The following ZDHHC14 variants were observed in gnomAD, a reference collection of about 807,000 sequenced individuals.
The protein encoded by ZDHHC14 is zDHHC palmitoyltransferase 14.
In ZDHHC14, 16 loss-of-function variants were observed where a neutral mutation model predicts 47.7. That is an observed-to-expected ratio of 0.34 (90% CI 0.23 to 0.51). The LOEUF is 0.51. Ranked by LOEUF, ZDHHC14 falls within the 20% of genes least tolerant of loss-of-function variation. The pLI, the probability that ZDHHC14 is intolerant of heterozygous loss-of-function variation, is 0.97. For synonymous variants in ZDHHC14, 293 were observed against 278.9 expected (o/e 1.05, Z -0.50); for missense variants, 515 against 662.5 (o/e 0.78, Z 2.44).
intron 5 of ZDHHC14, among the ~76,000 whole-genome samples, chr6:157,636,065 C>T (rs969831251): frequency 6.6e-6 from 1 of 152,118 alleles, no homozygotes; most frequent in African/African-American, 2.4e-5. Flanking sequence ...AGCCTGCTGA[C>T]CGCATGCAGG....
At chr6:157,589,628 T>C (rs1032583737) in intron 2 of ZDHHC14, among the ~76,000 whole-genome samples, 1 of 152,174 alleles carries the variant, frequency 6.6e-6, no homozygotes, top group Non-Finnish European at 1.5e-5. Context: ...TCTGCCATGA[T>C]TGTGAGTTTC....
chr6:157,511,547 C>CTTTTTTATTTTTTTTTTTTTTTTT (rs1780486817), intron 1 of ZDHHC14, among the ~76,000 whole-genome samples: 1 of 114,924 alleles, frequency 8.7e-6, no homozygotes, highest in Non-Finnish European at 1.7e-5. Context: ...AGCCCGGGTA[C>CTTTTTTATTTTTTTTTTTTTTTTT]TTTTTTTTTT....
chr6:157,583,910 T>C (rs1380585740), intron 2 of ZDHHC14, among the ~76,000 whole-genome samples: 6 of 134,966 alleles, frequency 4.4e-5, no homozygotes, highest in African/African-American at 1.7e-4. Context: ...ATCATTGCGA[T>C]TGGCCTGGGA....
At chr6:157,530,324 G>A (rs1301470303) in intron 1 of ZDHHC14, among the ~76,000 whole-genome samples, 9 of 152,186 alleles carry the variant, frequency 5.9e-5, no homozygotes, top group Non-Finnish European at 1.0e-4. Flanking sequence ...GCCGAGAAAT[G>A]CTGTCACCAT....
intron 1 of ZDHHC14, among the ~76,000 whole-genome samples, chr6:157,416,334 C>T (rs1269061040): frequency 1.3e-5 from 2 of 151,902 alleles, no homozygotes; most frequent in African/African-American, 4.8e-5. Flanking sequence ...TAATTGAATC[C>T]TTTGAACATT....
chr6:157,579,517 A>G lies in ZDHHC14; in HGVS notation c.407-13471A>G, dbSNP rs546493503. Among the ~76,000 whole-genome samples the G allele has an allele frequency of 1.8e-4, 27 of 152,272 alleles. No individual in the cohort carries two copies. In the East Asian group the frequency reaches 5.2e-3, roughly 29 times the overall value. On this transcript the variant is annotated intron_variant, in intron 2 of 8. Transcript: ENST00000359775. ...CAGCCAATATTTATTCTTTCTACCCATAAACATGGAATGTTTTTCCATTTG... is the reference window on the plus strand; with the variant it reads ...CAGCCAATATTTATTCTTTCTACCCGTAAACATGGAATGTTTTTCCATTTG...
At chr6:157,645,869 G>C in intron 6 of ZDHHC14, 30 bp downstream of exon 6, 1 of 1,594,414 alleles carries the variant, frequency 6.3e-7, no homozygotes, top group Non-Finnish European at 8.6e-7. Context: ...GGACACGGGC[G>C]TGTTCTTGGG....
chr6:157,659,277 G>T (rs1332015469), intron 8 of ZDHHC14, among the ~76,000 whole-genome samples: 1 of 152,192 alleles, frequency 6.6e-6, no homozygotes, highest in Non-Finnish European at 1.5e-5. Context: ...TTGGTATTTT[G>T]TATTTTTTAA....
intron 1 of ZDHHC14, among the ~76,000 whole-genome samples, chr6:157,438,539 A>C (rs1452043821): frequency 6.6e-6 from 1 of 152,258 alleles, no homozygotes; most frequent in Non-Finnish European, 1.5e-5. Flanking sequence ...AAAGTACAGC[A>C]CAATGCTGAA....
intron 7 of ZDHHC14, among the ~76,000 whole-genome samples, chr6:157,651,065 T>G (rs1244037533): frequency 2.0e-5 from 3 of 152,232 alleles, no homozygotes; most frequent in African/African-American, 7.2e-5. Context: ...TGGGGCTCCC[T>G]CTGCGGCTCT....
chr6:157,490,898 A>G lies in ZDHHC14; in HGVS notation c.246-51687A>G, dbSNP rs549931288. Among the ~76,000 whole-genome samples, 287 of 152,344 alleles carry G rather than the reference A, an allele frequency of 1.9e-3. 5 individuals carry two copies. Among genetic ancestry groups the G allele is most frequent in the African/African-American group, 6.7e-3 (277 of 41,594 alleles). On this transcript the variant is annotated intron_variant, in intron 1 of 8. Transcript: ENST00000359775. ...GAGCTCTGCAACAGTTATCTTATTTAACTATTAAAATAATGTTGCAAGATA... is the reference window on the plus strand; with the variant it reads ...GAGCTCTGCAACAGTTATCTTATTTGACTATTAAAATAATGTTGCAAGATA...
chr6:157,652,848 A>C (rs1345082107), intron 7 of ZDHHC14, among the ~76,000 whole-genome samples: 2 of 152,184 alleles, frequency 1.3e-5, no homozygotes, highest in Non-Finnish European at 2.9e-5. Flanking sequence ...CACAAGATGA[A>C]GACTCTGCCC....
chr6:157,503,120 G>A (rs912775033), intron 1 of ZDHHC14, among the ~76,000 whole-genome samples: 2 of 152,220 alleles, frequency 1.3e-5, no homozygotes, highest in Non-Finnish European at 2.9e-5. Context: ...AGAGATAGCA[G>A]GCTCCATGTT....
In ZDHHC14 at chr6:157,676,329, A is replaced by G. The variant is rs564162260; in HGVS notation, c.*3207A>G. Reference sequence around the variant, plus strand: ...GATTTCAGCCTGTGAGGACAATGCCATGTCCCCACCCTAAGCCAGCAAAAT... The same window carrying G: ...GATTTCAGCCTGTGAGGACAATGCCGTGTCCCCACCCTAAGCCAGCAAAAT... On this transcript the variant is annotated 3_prime_UTR_variant, in exon 9 of 9. Transcript: ENST00000359775. The G allele has an allele frequency of 2.0e-5, 3 of 152,410 alleles. No individual in the cohort carries two copies. The highest frequency in any genetic ancestry group is 4.8e-5 in the African/African-American group (2 of 41,584). 9.4% of individuals were successfully genotyped at this position (152,410 alleles called of 1,614,324 possible). A position where few individuals can be genotyped will look rare whatever the true frequency, so the allele number is the denominator to read the frequency against.
intron 8 of ZDHHC14, among the ~76,000 whole-genome samples, chr6:157,662,110 G>T (rs1413100121): frequency 2.0e-5 from 3 of 152,046 alleles, no homozygotes; most frequent in Non-Finnish European, 4.4e-5. Flanking sequence ...TAAAGACAGA[G>T]AATTATATTT....
chr6:157,592,608 C>T (rs2114891510), intron 2 of ZDHHC14, among the ~76,000 whole-genome samples: 1 of 152,324 alleles, frequency 6.6e-6, no homozygotes, highest in Non-Finnish European at 1.5e-5. Context: ...GTCAGGGTGG[C>T]CCTCCTCTGT....
intron 1 of ZDHHC14, among the ~76,000 whole-genome samples, chr6:157,404,387 A>C (rs926765420): frequency 6.6e-6 from 1 of 152,138 alleles, no homozygotes; most frequent in Non-Finnish European, 1.5e-5. Context: ...CCCTCATCTC[A>C]GCCTCCCAAA....
chr6:157,475,725 T>C (rs1779465188), intron 1 of ZDHHC14, among the ~76,000 whole-genome samples: 1 of 152,168 alleles, frequency 6.6e-6, no homozygotes, highest in Non-Finnish European at 1.5e-5. Context: ...ACTGTTGATT[T>C]TGTATGCTGT....
chr6:157,585,516 G>A (rs1783660086), intron 2 of ZDHHC14, among the ~76,000 whole-genome samples: 1 of 151,936 alleles, frequency 6.6e-6, no homozygotes, highest in Non-Finnish European at 1.5e-5. Flanking sequence ...AGGTGTTTGT[G>A]ATCTCCAGAT....
Sources: allele counts gnomAD v4.1 joint callset (sites outside exome capture counted in the v4.1 genomes callset), GRCh38; gene constraint gnomAD v4.1.1; transcripts MANE v1.5; gene names NCBI Gene and HGNC (gene_info 2026-07-23, HGNC 2026-07-21).